Variants in LCT observed in about 807,000 individuals in gnomAD.
LCT encodes the protein lactase, also known as lactase/phlorizin hydrolase.
In LCT, 90 loss-of-function variants were observed where a neutral mutation model predicts 173.0. The observed-to-expected ratio is 0.52, with a 90% confidence interval of 0.44 to 0.62. LCT has a LOEUF of 0.62. Ranked by LOEUF, LCT falls within the 20% of genes least tolerant of loss-of-function variation. The pLI is 0.00. For synonymous variants in LCT, 853 were observed against 957.6 expected, an observed-to-expected ratio of 0.89 and a Z score of 2.02; for missense variants, 1,864 against 2,431.4, an observed-to-expected ratio of 0.77 and a Z score of 4.91.
At chr2:135,831,060 C>A (rs548288507) in intron 2 of LCT, among the ~76,000 whole-genome samples, 1 of 152,160 alleles carries the variant, frequency 6.6e-6, no homozygotes, top group African/African-American at 2.4e-5. Context: ...CCAGGTGGGT[C>A]CCACCACATT....
chr2:135,808,355 T>C, intron 8 of LCT, 88 bp downstream of exon 8: 1 of 1,037,600 alleles, frequency 9.6e-7, no homozygotes, highest in Non-Finnish European at 1.5e-6. Flanking sequence ...CTATTGATGG[T>C]TCATAAATCA....
intron 1 of LCT, among the ~76,000 whole-genome samples, chr2:135,835,569 A>G (rs1382146972): frequency 2.7e-5 from 4 of 145,710 alleles, no homozygotes; most frequent in African/African-American, 5.1e-5. Context: ...TATATGGTAT[A>G]TAATAAAAAC....
Position 135,790,707 on chromosome 2 carries a change from G to T in LCT, c.5286C>A (p.Asp1762Glu), listed in dbSNP as rs1166869014. The change falls in exon 15 of 17, where the codon GAC becomes GAA. Residue 1762 changes from aspartate (D) to glutamate (E), a missense_variant. Asp to Glu is a conservative substitution (Grantham distance 45). Coordinates refer to ENST00000264162, the MANE Select transcript of LCT (RefSeq NM_002299.4). This position sits in a 1 kb window ranked among gnomAD's most constrained non-coding sequence, Gnocchi z 4.1. ...VSQREETDLNDTARIYYLRTY... is the reference protein window; with the variant it reads ...VSQREETDLNETARIYYLRTY... ...TCCGAAGGTAGTAGATCCTTGCAGTGTCATTGAGGTCTGTTTCTTCCCGCT... is the reference window on the plus strand; with the variant it reads ...TCCGAAGGTAGTAGATCCTTGCAGTTTCATTGAGGTCTGTTTCTTCCCGCT... The T allele has an allele frequency of 6.2e-7, 1 of 1,613,380 alleles. No homozygotes were observed. Among genetic ancestry groups the T allele is most frequent in the African/African-American group, 1.3e-5 (1 of 74,900 alleles).
chr2:135,803,629 G>T (rs1170057370), intron 11 of LCT, among the ~76,000 whole-genome samples: 4 of 152,212 alleles, frequency 2.6e-5, no homozygotes, highest in Admixed American at 2.6e-4. Context: ...GACCTGTACA[G>T]CCTGACAAAC....
Position 135,790,274 on chromosome 2 carries a change from C to T in LCT, c.5335+384G>A, listed in dbSNP as rs1310300160. On this transcript the variant is annotated intron_variant, in intron 15 of 16. Coordinates refer to ENST00000264162, the MANE Select transcript of LCT (RefSeq NM_002299.4). The surrounding 1 kb of genome is among the most constrained non-coding windows in gnomAD (Gnocchi z 4.1). ...ATGGTCCCATCTCAAGTTGTTAGGGCTGAGCCAAGAGCCTCAAACTTTTGC... is the reference window on the plus strand; with the variant it reads ...ATGGTCCCATCTCAAGTTGTTAGGGTTGAGCCAAGAGCCTCAAACTTTTGC... Among the ~76,000 whole-genome samples the T allele has an allele frequency of 6.6e-6, 1 of 152,194 alleles. No homozygotes were observed. Among genetic ancestry groups the T allele is most frequent in the Non-Finnish European group, 1.5e-5 (1 of 68,026 alleles).
At chr2:135,823,732 G>C (rs943999480) in intron 4 of LCT, among the ~76,000 whole-genome samples, 169 bp downstream of exon 4, 1 of 152,160 alleles carries the variant, frequency 6.6e-6, no homozygotes, top group Non-Finnish European at 1.5e-5. Flanking sequence ...GGTTGCAAGG[G>C]ACCATCAGTA....
chr2:135,815,557 TG>T (rs1023251813), intron 6 of LCT, among the ~76,000 whole-genome samples: 4 of 152,160 alleles, frequency 2.6e-5, no homozygotes, highest in Non-Finnish European at 5.9e-5. Context: ...ACCCTAGTAA[TG>T]GTCTTTTTGA....
At chr2:135,794,438 T>C (rs1050722550) in intron 14 of LCT, 1 of 615,606 alleles carries the variant, frequency 1.6e-6, no homozygotes, top group African/African-American at 1.9e-5. Flanking sequence ...TAATGGGAGG[T>C]GCCCTGGAGA....
At chr2:135,800,878 G>A in intron 11 of LCT, 69 bp from the exon 12 acceptor site, 1 of 1,197,704 alleles carries the variant, frequency 8.3e-7, no homozygotes, top group East Asian at 2.4e-5. Flanking sequence ...GTTAGTCCCT[G>A]CCTGCAGATG....
At position 135,789,814 on chromosome 2, in the gene LCT, G is replaced by C; in HGVS notation, c.5336-16C>G. 6.2e-7 allele frequency: 1 copy of C among 1,604,688 alleles called. No homozygotes were observed. The highest frequency in any genetic ancestry group is 8.5e-7 in the Non-Finnish European group (1 of 1,171,408). ...TCCTGCACAGCTGCTCAAACACAGA[G>C]GACTAGGCATAAGTTTCCTATCTCA... is the stretch of plus-strand genomic sequence containing the variant. On this transcript the variant is annotated splice_polypyrimidine_tract_variant and intron_variant, in intron 15 of 16. Transcript: ENST00000264162.
intron 4 of LCT, 73 bp downstream of exon 4, chr2:135,823,828 C>A: frequency 9.7e-7 from 1 of 1,036,092 alleles, no homozygotes; most frequent in Non-Finnish European, 1.5e-6. Context: ...GAACCCCGGA[C>A]TTTCAAGACT....
chr2:135,810,124 C>T, intron 7 of LCT, 131 bp from the exon 8 acceptor site: 1 of 679,292 alleles, frequency 1.5e-6, no homozygotes. Flanking sequence ...CTGGGACTGA[C>T]TACAGGAGTG....
At chr2:135,806,448 G>A (rs1003449040) in intron 9 of LCT, among the ~76,000 whole-genome samples, 7 of 152,136 alleles carry the variant, frequency 4.6e-5, no homozygotes, top group Middle Eastern at 3.2e-3. Flanking sequence ...TGTTCATAAA[G>A]TCCACAGTAG....
At chr2:135,833,411 T>A (rs186824326) in intron 1 of LCT, among the ~76,000 whole-genome samples, 2 of 128,198 alleles carry the variant, frequency 1.6e-5, no homozygotes, top group East Asian at 4.9e-4. Context: ...AGTTGGAGAG[T>A]TGGCAAGGAG....
At chr2:135,820,841 G>A (rs2077821580) in intron 5 of LCT, among the ~76,000 whole-genome samples, 1 of 152,006 alleles carries the variant, frequency 6.6e-6, no homozygotes, top group African/African-American at 2.4e-5. Context: ...ATGCGTGCAT[G>A]AAAGCAATGT....
chr2:135,802,468 C>T (rs2077634961), intron 11 of LCT, among the ~76,000 whole-genome samples: 1 of 152,150 alleles, frequency 6.6e-6, no homozygotes, highest in Non-Finnish European at 1.5e-5. Context: ...ACCTAAGTGT[C>T]CATCAACAGA....
rs2077524239 is a variant in LCT at position 135,790,454 on chromosome 2, C to T, written c.5335+204G>A. 6.6e-6 allele frequency among the ~76,000 whole-genome samples: 1 copy of T among 152,186 alleles called. No individual in the cohort carries two copies. The highest frequency in any genetic ancestry group is 2.4e-5 in the African/African-American group (1 of 41,446). On this transcript the variant is annotated intron_variant, in intron 15 of 16. Transcript: ENST00000264162. The surrounding 1 kb of genome is among the most constrained non-coding windows in gnomAD (Gnocchi z 4.1). ...GAACTAGGGTTTGGTGGCATCAGGC[C>T]ACTGGGCTTGCTTGCTGAGCTTAGA...
chr2:135,805,195 A>G, intron 9 of LCT, 138 bp from the exon 10 acceptor site: 2 of 883,202 alleles, frequency 2.3e-6, no homozygotes, highest in South Asian at 1.4e-5. Context: ...ACATTGGTCC[A>G]TGTGTGGTGG....
chr2:135,800,488 G>C, intron 12 of LCT, 119 bp downstream of exon 12: 1 of 869,888 alleles, frequency 1.1e-6, no homozygotes, highest in Non-Finnish European at 1.9e-6. Context: ...GACTTCCAAA[G>C]TGCTGGGATT....
Sources: gnomAD v4.1 joint callset for allele counts (sites outside exome capture counted in the v4.1 genomes callset) on GRCh38, gnomAD v4.1.1 for gene constraint, Gnocchi (gnomAD v3.1) non-coding constraint, MANE v1.5 for transcripts, NCBI Gene and HGNC (gene_info 2026-07-23, HGNC 2026-07-21) for gene names.